The following NEK1 variants were observed in gnomAD, a reference collection of about 807,000 sequenced individuals.
NEK1 encodes serine/threonine-protein kinase Nek1.
A neutral mutation model predicts 182.1 loss-of-function variants in NEK1; 137 were observed. The observed-to-expected ratio is 0.75, with a 90% CI of 0.65 to 0.87. The LOEUF (loss-of-function observed/expected upper bound fraction) is 0.87. NEK1 is among the 40% of genes least tolerant of loss of function. The pLI is 0.00. For synonymous variants in NEK1, 513 were observed against 492.2 expected (o/e 1.04, Z -0.56); for missense variants, 1,391 against 1,494.4 (o/e 0.93, Z 1.14).
At position 169,401,695 on chromosome 4, in the gene NEK1, G is replaced by A. The variant is rs1222658893; in HGVS notation, c.3540C>T (p.Asp1180=). 1 of 1,613,894 alleles carries A rather than the reference G, an allele frequency of 6.2e-7. No homozygotes were observed. The highest frequency in any genetic ancestry group is 1.7e-5 in the Admixed American group (1 of 60,016). Residue 1180 remains aspartate (D), a synonymous_variant, in exon 33 of 36, where the codon GAC becomes GAT. Coordinates refer to ENST00000507142, the MANE Select transcript of NEK1 (RefSeq NM_001199397.3). ...ANGTDVADED[D]NPSSESALNE... ...TCAGGGCACTTTCACTGCTGGGATT[G>A]TCATCTTCATCTGCCACATCTGTCC...
chr4:169,504,982 T>C (rs576397060), intron 23 of NEK1, among the ~76,000 whole-genome samples: 3 of 152,284 alleles, frequency 2.0e-5, no homozygotes, highest in African/African-American at 7.2e-5. Context: ...ATATCTCATG[T>C]ATCCCATAAA....
chr4:169,602,471 A>T (rs554937184), intron 3 of NEK1, 43 bp downstream of exon 3: 16 of 1,056,568 alleles, frequency 1.5e-5, no homozygotes, highest in Middle Eastern at 2.1e-4. Context: ...GCTCTATTGT[A>T]ACTAAACCAT....
chr4:169,479,512 C>T lies in NEK1; in HGVS notation c.2030G>A (p.Ser677Asn). ...EEHLVAKGVK[S>N]SDVSPPLGQH... Reference sequence around the variant, plus strand: ...TCCCAAAGGTGGAGAAACATCAGAACTCTTAACTCCTTTAGCCACCAACTA... The same window carrying T: ...TCCCAAAGGTGGAGAAACATCAGAATTCTTAACTCCTTTAGCCACCAACTA... The change falls in exon 24 of 36, where the codon AGT (serine) becomes AAT (asparagine). Residue 677 changes from serine (S) to asparagine (N), a missense_variant. By Grantham distance (46) the Ser-to-Asn change is conservative (BLOSUM62 1). Coordinates refer to ENST00000507142, the MANE Select transcript of NEK1 (RefSeq NM_001199397.3). The T allele has an allele frequency of 6.2e-7, 1 of 1,606,138 alleles. No individual in the cohort carries two copies. The highest frequency in any genetic ancestry group is 8.5e-7 in the Non-Finnish European group (1 of 1,177,484).
intron 19 of NEK1, among the ~76,000 whole-genome samples, chr4:169,535,304 C>T (rs1167002688): frequency 1.1e-4 from 16 of 152,188 alleles, no homozygotes. Flanking sequence ...GCCTGGGCAA[C>T]AAGAGCGAAA....
intron 23 of NEK1, among the ~76,000 whole-genome samples, chr4:169,498,170 T>C (rs1425919835): frequency 3.3e-5 from 5 of 152,242 alleles, no homozygotes; most frequent in Admixed American, 2.0e-4. Context: ...ATGGCCTTCT[T>C]TGTCTCTTTT....
chr4:169,485,987 A>G (rs1292145815), intron 23 of NEK1, among the ~76,000 whole-genome samples: 2 of 152,194 alleles, frequency 1.3e-5, no homozygotes, highest in African/African-American at 4.8e-5. Context: ...TCGAAATTGC[A>G]GAGAGCCATG....
rs767161520 is a variant in NEK1 at position 169,426,172 on chromosome 4, A to G, written c.2948T>C (p.Val983Ala). ...EVSEDGVSST[V>A]DQLSDIHIEP... ...TATATGAATGTCACTAAGTTGGTCC[A>G]CAGTACTCGAGACTCCATCTTCAGA... Residue 983 changes from valine (V) to alanine (A), a missense_variant, in exon 30 of 36, where the codon GTG becomes GCG. By Grantham distance (64) the Val-to-Ala change is moderately conservative (BLOSUM62 0). Transcript: ENST00000507142. 6.2e-7 allele frequency: 1 copy of G among 1,613,706 alleles called. No homozygotes were observed. Among genetic ancestry groups the G allele is most frequent in the Non-Finnish European group, 8.5e-7 (1 of 1,179,748 alleles).
At chr4:169,609,691 G>A (rs528217334) in intron 2 of NEK1, among the ~76,000 whole-genome samples, 4 of 152,066 alleles carry the variant, frequency 2.6e-5, no homozygotes, top group African/African-American at 9.6e-5. Flanking sequence ...TAGTAATACT[G>A]CCTACAAAGA....
chr4:169,497,389 T>C (rs1364152602), intron 23 of NEK1, among the ~76,000 whole-genome samples: 2 of 152,230 alleles, frequency 1.3e-5, no homozygotes, highest in Non-Finnish European at 2.9e-5. Flanking sequence ...GAGGGTTTTT[T>C]GTGTCTCTAT....
intron 12 of NEK1, among the ~76,000 whole-genome samples, chr4:169,571,362 G>T (rs1580859107): frequency 6.6e-6 from 1 of 152,048 alleles, no homozygotes; most frequent in East Asian, 1.9e-4. Context: ...CTACCCTCAT[G>T]AATTTCTGCA....
At position 169,599,089 on chromosome 4, in the gene NEK1, T is replaced by C. The variant is rs774189582; in HGVS notation, c.312+11A>G. ...ATAGAGTAAGAGTCAATTTCCTAAATGCAAACTTACCTGATCCTCTTGAAA... is the reference window on the plus strand; with the variant it reads ...ATAGAGTAAGAGTCAATTTCCTAAACGCAAACTTACCTGATCCTCTTGAAA... On this transcript the variant is annotated intron_variant, in intron 5 of 35. Coordinates refer to ENST00000507142, the MANE Select transcript of NEK1 (RefSeq NM_001199397.3). 14 of 1,607,788 alleles carry C rather than the reference T, an allele frequency of 8.7e-6. No homozygotes were observed. Among genetic ancestry groups the C allele is most frequent in the Non-Finnish European group, 7.7e-6 (9 of 1,175,570 alleles).
In NEK1 at chr4:169,477,472, T is replaced by G; in HGVS notation, c.2165A>C (p.Glu722Ala). 6.2e-7 allele frequency: 1 copy of G among 1,607,928 alleles called. No individual in the cohort carries two copies. The highest frequency in any genetic ancestry group is 8.5e-7 in the Non-Finnish European group (1 of 1,177,010). Reference protein sequence around the residue: ...GVDSSLTDTRETSEEMQKTNN... With the variant: ...GVDSSLTDTRATSEEMQKTNN... ...GGTCTTTTGCATCTCTTCTGAAGTT[T>G]CCCGGGTATCAGTTAAACTACTGTC... The change falls in exon 25 of 36, where the codon GAA becomes GCA. Residue 722 changes from glutamate (E) to alanine (A), a missense_variant. Transcript: ENST00000507142.
chr4:169,426,505 C>T (rs1449984587), intron 29 of NEK1, among the ~76,000 whole-genome samples: 1 of 152,198 alleles, frequency 6.6e-6, no homozygotes, highest in African/African-American at 2.4e-5. Context: ...CAAACAACGG[C>T]ATAGTAAAGA....
chr4:169,477,588 T>C, intron 24 of NEK1, 91 bp from the exon 25 acceptor site: 1 of 982,428 alleles, frequency 1.0e-6, no homozygotes, highest in Non-Finnish European at 1.5e-6. Flanking sequence ...TTTTTGGTTT[T>C]CATTAATTTG....
chr4:169,488,764 G>A (rs953564209), intron 23 of NEK1, among the ~76,000 whole-genome samples: 2 of 152,138 alleles, frequency 1.3e-5, no homozygotes, highest in Non-Finnish European at 2.9e-5. Context: ...AACGGTCAAT[G>A]AGTAAAGATA....
chr4:169,604,237 C>T (rs998505287), intron 2 of NEK1, among the ~76,000 whole-genome samples: 28 of 152,088 alleles, frequency 1.8e-4, no homozygotes, highest in African/African-American at 6.8e-4. Flanking sequence ...CACTTAAACC[C>T]TTACCATACC....
chr4:169,478,806 C>T (rs1243596408), intron 24 of NEK1, among the ~76,000 whole-genome samples: 1 of 152,180 alleles, frequency 6.6e-6, no homozygotes, highest in African/African-American at 2.4e-5. Context: ...CTTCTCTTAA[C>T]CCCTGAACAG....
chr4:169,580,494 CAAAAAAAAAAAA>C (rs11348370), intron 11 of NEK1, among the ~76,000 whole-genome samples: 1 of 65,844 alleles, frequency 1.5e-5, no homozygotes, highest in Non-Finnish European at 3.0e-5. Context: ...AACTTCATCT[CAAAAAAAAAAAA>C]AAAAAAAAAA....
rs183493577 is a variant in NEK1 at position 169,431,968 on chromosome 4, G to T, written c.2885+1577C>A. 9.3e-5 allele frequency among the ~76,000 whole-genome samples: 14 copies of T among 151,208 alleles called. No individual in the cohort carries two copies. The East Asian group carries it at 2.7e-3, about 29-fold the overall frequency. ...ACACACAAAACATAAATGACCAGCA[G>T]AGAAAAAATAGTTGCAATTCATGTA... On this transcript the variant is annotated intron_variant, in intron 29 of 35. Transcript: ENST00000507142.
Sources: gnomAD v4.1 joint callset for allele counts (sites outside exome capture counted in the v4.1 genomes callset) on GRCh38, gnomAD v4.1.1 for gene constraint, MANE v1.5 for transcripts, NCBI Gene and HGNC (gene_info 2026-07-23, HGNC 2026-07-21) for gene names.